The following ARHGEF3 variants were observed in gnomAD, a reference collection of about 807,000 sequenced individuals.
The protein encoded by ARHGEF3 is Rho guanine nucleotide exchange factor 3, also known as 59.8 kDA protein.
ARHGEF3 carries 28 observed loss-of-function variants against 63.2 expected under a neutral mutation model. That is an observed-to-expected ratio of 0.44 (90% confidence interval 0.33 to 0.61). The LOEUF is 0.61. Ranked by LOEUF, ARHGEF3 falls within the 20% of genes least tolerant of loss-of-function variation. The pLI is 0.03. For missense variants in ARHGEF3, 533 were observed against 659.3 expected, an observed-to-expected ratio of 0.81 and a Z score of 2.10; for synonymous variants, 266 against 254.2, an observed-to-expected ratio of 1.05 and a Z score of -0.44.
chr3:56,877,409 C>A (rs1473469094), intron 4 of ARHGEF3, among the ~76,000 whole-genome samples: 1 of 139,326 alleles, frequency 7.2e-6, no homozygotes, highest in Non-Finnish European at 1.5e-5. Context: ...GGGTCTTACT[C>A]TGTCACCCAG....
intron 1 of ARHGEF3, chr3:57,074,118 G>A: frequency 6.2e-7 from 1 of 1,613,674 alleles, no homozygotes; most frequent in South Asian, 1.1e-5. Context: ...GAGGACCACA[G>A]GATGGTTGTG....
chr3:56,814,656 T>C (rs533345043), intron 4 of ARHGEF3, among the ~76,000 whole-genome samples: 3 of 144,714 alleles, frequency 2.1e-5, no homozygotes, highest in East Asian at 4.1e-4. Flanking sequence ...AAATAAATCA[T>C]CCTTCTCCCT....
At chr3:56,834,570 T>C (rs1012567613) in intron 4 of ARHGEF3, among the ~76,000 whole-genome samples, 1 of 151,774 alleles carries the variant, frequency 6.6e-6, no homozygotes, top group East Asian at 1.9e-4. Context: ...TTTGAGACCA[T>C]CAAACTTTGT....
chr3:57,013,055 C>T (rs1268457193), intron 2 of ARHGEF3, among the ~76,000 whole-genome samples: 2 of 152,196 alleles, frequency 1.3e-5, no homozygotes, highest in Non-Finnish European at 2.9e-5. Flanking sequence ...TGCCGGCCGG[C>T]CTGCCTGCGC....
rs1560120499 is a variant in ARHGEF3, at chr3:57,000,310, C to CACACACACACACA, written c.62+34777_62+34778insTGTGTGTGTGTGT. Among the ~76,000 whole-genome samples, 758 of 139,252 alleles carry CACACACACACACA rather than the reference C, an allele frequency of 5.4e-3. 9 individuals are homozygous for CACACACACACACA. The highest frequency in any genetic ancestry group is 0.02 in the African/African-American group (730 of 36,382). 91.4% of individuals were successfully genotyped at this position (139,252 alleles called of 152,430 possible). A position where few individuals can be genotyped will look rare whatever the true frequency, so the allele number is the denominator to read the frequency against. On this transcript the variant is annotated intron_variant, in intron 2 of 12. Coordinates refer to the ARHGEF3 transcript ENST00000338458. Reference sequence around the variant, plus strand: ...AAGTCCTTTTTTTAGAGGGTAACTCCCACACACACACACACACACACACAC... The same window carrying CACACACACACACA: ...AAGTCCTTTTTTTAGAGGGTAACTCCACACACACACACACACACACACACACACACACACACAC...
intron 4 of ARHGEF3, chr3:56,882,203 C>A: frequency 7.6e-7 from 1 of 1,322,778 alleles, no homozygotes; most frequent in Non-Finnish European, 1.0e-6. Context: ...TGGAAGCCCA[C>A]TTCAAGCACA....
At chr3:56,832,255 T>C (rs754154814) in intron 4 of ARHGEF3, among the ~76,000 whole-genome samples, 6 of 152,226 alleles carry the variant, frequency 3.9e-5, no homozygotes, top group Admixed American at 6.5e-5. Flanking sequence ...CAATGGGTAA[T>C]ATAATAAATA....
chr3:56,961,249 T>G (rs1020179696), intron 2 of ARHGEF3, among the ~76,000 whole-genome samples: 3 of 152,210 alleles, frequency 2.0e-5, no homozygotes, highest in Non-Finnish European at 4.4e-5. Context: ...ATAAATAATC[T>G]TACATCATAA....
At chr3:56,750,956 T>G (rs2034703714) in intron 6 of ARHGEF3, 100 bp downstream of exon 6, 1 of 865,138 alleles carries the variant, frequency 1.2e-6, no homozygotes, top group African/African-American at 1.8e-5. Flanking sequence ...CCAACATTTG[T>G]AAAAAAATAA....
In ARHGEF3 at chr3:56,801,934, C is replaced by A. The variant is rs773210258; in HGVS notation, c.-136G>T. ...CGGAGACCGACAGCCGGCTTCTAGC[C>A]GGGCAGGACTCGACTGGGCTCCGGA... On this transcript the variant is annotated 5_prime_UTR_variant, in exon 1 of 10. Transcript: ENST00000296315. The A allele has an allele frequency of 1.6e-5, 21 of 1,354,024 alleles. No individual in the cohort carries two copies. The highest frequency in any genetic ancestry group is 2.2e-5 in the Admixed American group (1 of 45,096). 83.9% of individuals were successfully genotyped at this position (1,354,024 alleles called of 1,614,324 possible).
At chr3:56,836,022 T>A (rs544645491) in intron 4 of ARHGEF3, among the ~76,000 whole-genome samples, 2 of 152,228 alleles carry the variant, frequency 1.3e-5, no homozygotes, top group Non-Finnish European at 2.9e-5. Flanking sequence ...AGTATTTCTG[T>A]GGTAAAAATG....
At chr3:56,957,405 G>A (rs555918266) in intron 3 of ARHGEF3, among the ~76,000 whole-genome samples, 1 of 152,296 alleles carries the variant, frequency 6.6e-6, no homozygotes, top group East Asian at 1.9e-4. Flanking sequence ...GGTAACATGT[G>A]GATGGATGCA....
chr3:56,799,393 T>G (rs951910161), intron 1 of ARHGEF3, among the ~76,000 whole-genome samples: 1 of 152,212 alleles, frequency 6.6e-6, no homozygotes, highest in African/African-American at 2.4e-5. Flanking sequence ...GGTGCTCTGT[T>G]GCAACGGCCT....
At chr3:56,991,694 AG>A (rs1701751278) in intron 2 of ARHGEF3, among the ~76,000 whole-genome samples, 1 of 152,196 alleles carries the variant, frequency 6.6e-6, no homozygotes, top group African/African-American at 2.4e-5. Flanking sequence ...AGTTCACTGA[AG>A]GCTCTGCCTC....
intron 2 of ARHGEF3, among the ~76,000 whole-genome samples, chr3:56,992,726 C>A (rs1269976408): frequency 6.6e-6 from 1 of 152,240 alleles, no homozygotes; most frequent in Non-Finnish European, 1.5e-5. Context: ...GCTCTCTCAA[C>A]CCCAGCGCAG....
chr3:56,983,571 G>C (rs566868747), intron 2 of ARHGEF3, among the ~76,000 whole-genome samples: 4 of 152,334 alleles, frequency 2.6e-5, no homozygotes, highest in African/African-American at 7.2e-5. Context: ...TCTAACACCA[G>C]AGAACAATGC....
intron 3 of ARHGEF3, among the ~76,000 whole-genome samples, chr3:56,905,466 G>A (rs1193385872): frequency 6.6e-6 from 1 of 152,190 alleles, no homozygotes; most frequent in East Asian, 1.9e-4. Context: ...GTGCAATAAT[G>A]TATTTATTTA....
chr3:56,777,899 T>C (rs558269094), intron 1 of ARHGEF3, among the ~76,000 whole-genome samples: 23 of 152,158 alleles, frequency 1.5e-4, no homozygotes, highest in Middle Eastern at 3.2e-3. Flanking sequence ...GAGGTGAGAA[T>C]TGATTGTGCT....
intron 2 of ARHGEF3, among the ~76,000 whole-genome samples, chr3:56,981,728 G>A (rs1326263084): frequency 6.6e-6 from 1 of 152,200 alleles, no homozygotes; most frequent in African/African-American, 2.4e-5. Flanking sequence ...AAGCTCACAT[G>A]GTCTGTTGGT....
Sources: allele counts gnomAD v4.1 joint callset (sites outside exome capture counted in the v4.1 genomes callset), GRCh38; gene constraint gnomAD v4.1.1; transcripts MANE v1.5; gene names NCBI Gene and HGNC (gene_info 2026-07-23, HGNC 2026-07-21).